Variants in PGBD5 observed in about 807,000 individuals in gnomAD.
The protein encoded by PGBD5 is piggyBac transposable element-derived protein 5.
A neutral mutation model predicts 47.9 loss-of-function variants in PGBD5; 14 were observed. That is an observed-to-expected ratio of 0.29 (90% confidence interval 0.19 to 0.46). The LOEUF is 0.46. Among genes scored for constraint, PGBD5 ranks in the 20% least tolerant of loss-of-function variants. The pLI is 1.00. For synonymous variants in PGBD5, 316 were observed against 306.3 expected (o/e 1.03, Z -0.33); for missense variants, 635 against 716.0 (o/e 0.89, Z 1.29).
chr1:230,362,657 G>A (rs76559845), intron 1 of PGBD5, among the ~76,000 whole-genome samples: 1,734 of 152,164 alleles, frequency 0.011, 36 homozygotes, highest in African/African-American at 0.04. Flanking sequence ...CCCGTCTCCC[G>A]ACCCCAGCTA....
intron 1 of PGBD5, among the ~76,000 whole-genome samples, chr1:230,397,808 T>C (rs2102738953): frequency 6.6e-6 from 1 of 152,306 alleles, no homozygotes; most frequent in East Asian, 1.9e-4. Flanking sequence ...CTTCCTTATG[T>C]GTCTTGCCTT....
intron 1 of PGBD5, among the ~76,000 whole-genome samples, chr1:230,388,065 G>A (rs928043035): frequency 2.0e-5 from 3 of 152,060 alleles, no homozygotes; most frequent in South Asian, 2.1e-4. Context: ...AGCAGCCCCC[G>A]CCAACCAATT....
At chr1:230,375,934 CTG>C (rs1668005228) in intron 1 of PGBD5, among the ~76,000 whole-genome samples, 1 of 151,678 alleles carries the variant, frequency 6.6e-6, no homozygotes, top group Admixed American at 6.6e-5. Context: ...GTTGTGTGCC[CTG>C]TGTGAGATGC....
At chr1:230,414,367 C>T (rs1359025747) in intron 1 of PGBD5, among the ~76,000 whole-genome samples, 2 of 152,210 alleles carry the variant, frequency 1.3e-5, no homozygotes, top group East Asian at 1.9e-4. Context: ...ATGGGGGCTG[C>T]ACTCTCTCAA....
intron 5 of PGBD5, among the ~76,000 whole-genome samples, chr1:230,330,208 T>A (rs908421463): frequency 1.3e-5 from 2 of 152,190 alleles, no homozygotes; most frequent in African/African-American, 4.8e-5. Flanking sequence ...TCTGGGGGCA[T>A]CTTCACCTGT....
At chr1:230,365,019 C>CAA (rs879775744) in intron 1 of PGBD5, among the ~76,000 whole-genome samples, 13 of 100,218 alleles carry the variant, frequency 1.3e-4, no homozygotes, top group African/African-American at 3.4e-4. Context: ...GACTCCATCT[C>CAA]AAAAAAAAAA....
Position 230,323,109 on chromosome 1 carries a change from T to G in PGBD5, c.*316A>C. ...CTCATTCTACCACGGGGGCCTTCCT[T>G]CACAGTCACCAGTCCACGCTGCCTC... On this transcript the variant is annotated 3_prime_UTR_variant, in exon 7 of 7. Coordinates refer to ENST00000391860, the MANE Select transcript of PGBD5 (RefSeq NM_001258311.2). This position sits in a 1 kb window ranked among gnomAD's most constrained non-coding sequence, Gnocchi z 4.1. 1 of 316,074 alleles carries G rather than the reference T, an allele frequency of 3.2e-6. No individual in the cohort carries two copies. The highest frequency in any genetic ancestry group is 5.6e-5 in the South Asian group (1 of 17,966). 19.6% of individuals were successfully genotyped at this position (316,074 alleles called of 1,614,324 possible).
rs531355384 is a variant in PGBD5 at position 230,338,956 on chromosome 1, T to C, written c.895-1668A>G. On this transcript the variant is annotated intron_variant, in intron 3 of 6. Coordinates refer to ENST00000391860, the MANE Select transcript of PGBD5 (RefSeq NM_001258311.2). ...GGTTGGGCCCATGCGAGATAAGTTC[T>C]CTTTAACAGATTTAGGACCATAATA... is the stretch of plus-strand genomic sequence containing the variant. 1.7e-4 allele frequency among the ~76,000 whole-genome samples: 26 copies of C among 152,326 alleles called. No individual in the cohort carries two copies. The South Asian group carries it at 5.4e-3, about 32-fold the overall frequency.
At position 230,385,234 on chromosome 1, in the gene PGBD5, G is replaced by C. The variant is rs143238086; in HGVS notation, c.332-27913C>G. On this transcript the variant is annotated intron_variant, in intron 1 of 6. Transcript: ENST00000391860. ...AATCACAGTGTCTTCTGGCTGTGGG[G>C]CCTTGACTTTGAATTGAGAGACAGA... 3.0e-3 allele frequency among the ~76,000 whole-genome samples: 453 copies of C among 152,242 alleles called. 1 individual carries two copies. The highest frequency in any genetic ancestry group is 0.01 in the African/African-American group (433 of 41,536).
At chr1:230,402,503 G>C (rs980546639) in intron 1 of PGBD5, among the ~76,000 whole-genome samples, 6 of 152,240 alleles carry the variant, frequency 3.9e-5, no homozygotes, top group Non-Finnish European at 7.3e-5. Flanking sequence ...AGAGCTCACT[G>C]TTGGGGGAGG....
Position 230,396,285 on chromosome 1 carries a change from TCCCTTTTACCCCCACACTCCTCC to T in PGBD5, c.331+29290_331+29312del. On this transcript the variant is annotated intron_variant, in intron 1 of 6. Coordinates refer to ENST00000391860, the MANE Select transcript of PGBD5 (RefSeq NM_001258311.2). The stretch of plus-strand genomic sequence containing the variant: ...CTCCTCCTTTTTACCCCCACACTCT[TCCCTTTTACCCCCACACTCCTCC>T]CTTTTACCCCACACTCCTTCTCCTC... Among the ~76,000 whole-genome samples the T allele has an allele frequency of 6.1e-5, 4 of 65,472 alleles. No individual in the cohort carries two copies. The South Asian group carries it at 2.5e-3, about 40-fold the overall frequency. The allele number at this position is 65,472 out of a possible 152,430, so 43.0% of individuals were successfully genotyped here.
intron 1 of PGBD5, among the ~76,000 whole-genome samples, chr1:230,368,861 C>T (rs921189534): frequency 6.6e-6 from 1 of 152,202 alleles, no homozygotes; most frequent in Non-Finnish European, 1.5e-5. Context: ...CTCTTGATCC[C>T]CAAGATCTTG....
chr1:230,389,139 C>G (rs1656723001), intron 1 of PGBD5, among the ~76,000 whole-genome samples: 1 of 152,080 alleles, frequency 6.6e-6, no homozygotes, highest in African/African-American at 2.4e-5. Flanking sequence ...ATGCAAAACC[C>G]TTGGAGGTTC....
At chr1:230,373,693 G>A (rs1449782783) in intron 1 of PGBD5, among the ~76,000 whole-genome samples, 1 of 152,148 alleles carries the variant, frequency 6.6e-6, no homozygotes, top group Non-Finnish European at 1.5e-5. Flanking sequence ...AGCGATACAT[G>A]TGAGGTTTTT....
chr1:230,380,562 A>T (rs193210732), intron 1 of PGBD5, among the ~76,000 whole-genome samples: 1 of 152,098 alleles, frequency 6.6e-6, no homozygotes, highest in East Asian at 1.9e-4. Context: ...ACAGCCCCTC[A>T]CTCTTGCTGC....
rs913690607 is a variant in PGBD5 at position 230,337,443 on chromosome 1, T to A, written c.895-155A>T. ...CTTTTCAGCTCACAGGGACTCTAGG[T>A]CACCCCCAAGCACACCCCGTGGCCT... On this transcript the variant is annotated intron_variant, in intron 3 of 6. Transcript: ENST00000391860. Among the ~76,000 whole-genome samples the A allele has an allele frequency of 3.3e-5, 5 of 152,130 alleles. No individual in the cohort carries two copies. In the Middle Eastern group the frequency reaches 0.01, roughly 310 times the overall value.
At chr1:230,349,975 T>C (rs1379853513) in intron 3 of PGBD5, among the ~76,000 whole-genome samples, 1 of 151,732 alleles carries the variant, frequency 6.6e-6, no homozygotes, top group Non-Finnish European at 1.5e-5. Context: ...GGAAGACATT[T>C]TCCCGGAGCA....
chr1:230,346,138 C>T (rs1270140798), intron 3 of PGBD5, among the ~76,000 whole-genome samples: 1 of 152,100 alleles, frequency 6.6e-6, no homozygotes, highest in African/African-American at 2.4e-5. Context: ...ATCTCCCAGG[C>T]TCAAGGGAAC....
chr1:230,328,554 T>C (rs1043675071), intron 5 of PGBD5, among the ~76,000 whole-genome samples: 5 of 152,204 alleles, frequency 3.3e-5, no homozygotes, highest in African/African-American at 1.2e-4. Context: ...GTGTATGTCA[T>C]GCACAGATTC....
Sources: gnomAD v4.1 joint callset for allele counts (sites outside exome capture counted in the v4.1 genomes callset) on GRCh38, gnomAD v4.1.1 for gene constraint, Gnocchi (gnomAD v3.1) non-coding constraint, MANE v1.5 for transcripts, NCBI Gene and HGNC (gene_info 2026-07-23, HGNC 2026-07-21) for gene names.